THSD4: variants seen among roughly 807,000 people sequenced by gnomAD.
THSD4 encodes the protein thrombospondin type 1 domain containing 4, also known as thrombospondin type-1 domain-containing protein 4.
A neutral mutation model predicts 119.0 loss-of-function variants in THSD4; 69 were observed. That is an observed-to-expected ratio of 0.58 (90% confidence interval 0.48 to 0.71). The LOEUF (loss-of-function observed/expected upper bound fraction) is 0.71. THSD4 is among the 30% of genes least tolerant of loss of function. The probability of loss-of-function intolerance (pLI) is 0.00; values close to 1 mark genes in which losing one functional copy is unlikely to be tolerated. For missense variants in THSD4, 1,393 were observed against 1,391.1 expected (o/e 1.00, Z -0.02); for synonymous variants, 524 against 540.4 (o/e 0.97, Z 0.42).
At chr15:71,292,263 G>A (rs1052967796) in intron 6 of THSD4, among the ~76,000 whole-genome samples, 3 of 152,012 alleles carry the variant, frequency 2.0e-5, no homozygotes, top group African/African-American at 7.2e-5. Flanking sequence ...ATTCCGGTAC[G>A]TTGTGATGAG....
chr15:71,537,869 T>G (rs1001726300), intron 7 of THSD4, among the ~76,000 whole-genome samples: 4 of 151,960 alleles, frequency 2.6e-5, no homozygotes, highest in Admixed American at 2.6e-4. Flanking sequence ...TTGAAGTGAT[T>G]TTCACACCTC....
chr15:71,345,491 TAATA>T (rs986962842), intron 6 of THSD4, among the ~76,000 whole-genome samples: 16 of 152,146 alleles, frequency 1.1e-4, no homozygotes, highest in African/African-American at 3.9e-4. Flanking sequence ...TTGGATTTGG[TAATA>T]AATCACACAT....
chr15:71,379,934 G>A (rs1406650988), intron 6 of THSD4, among the ~76,000 whole-genome samples: 1 of 152,014 alleles, frequency 6.6e-6, no homozygotes, highest in East Asian at 1.9e-4. Flanking sequence ...CTACATGGCT[G>A]AATAATATTT....
chr15:71,647,206 T>C (rs2050986945), intron 7 of THSD4, among the ~76,000 whole-genome samples: 1 of 152,202 alleles, frequency 6.6e-6, no homozygotes, highest in Admixed American at 6.5e-5. Context: ...TGTATACAAG[T>C]GCATATTGTT....
intron 6 of THSD4, chr15:71,341,530 T>C (rs200482776): frequency 7.5e-4 from 1,204 of 1,611,596 alleles, no homozygotes; most frequent in Non-Finnish European, 9.8e-4. Context: ...CGTTGTAATG[T>C]CGGAATGGTA....
intron 6 of THSD4, among the ~76,000 whole-genome samples, chr15:71,406,054 C>G (rs1308102530): frequency 6.6e-6 from 1 of 151,876 alleles, no homozygotes; most frequent in Non-Finnish European, 1.5e-5. Context: ...CCCAAAGTTA[C>G]AGGTTACACG....
intron 3 of THSD4, among the ~76,000 whole-genome samples, chr15:71,200,343 A>T (rs1310749477): frequency 1.3e-5 from 2 of 151,950 alleles, no homozygotes; most frequent in Non-Finnish European, 2.9e-5. Context: ...TTGGCTTCTC[A>T]CTGGTGGTAT....
At chr15:71,520,177 C>G (rs1224087373) in intron 7 of THSD4, among the ~76,000 whole-genome samples, 1 of 152,128 alleles carries the variant, frequency 6.6e-6, no homozygotes, top group African/African-American at 2.4e-5. Context: ...GATGGCATTA[C>G]TAATTTCAGA....
At position 71,198,338 on chromosome 15, in the gene THSD4, T is replaced by TTG. The variant is rs532075176; in HGVS notation, c.100-16694_100-16693dup. Among the ~76,000 whole-genome samples the TTG allele has an allele frequency of 4.4e-3, 667 of 152,326 alleles. 6 individuals are homozygous for TTG. Among genetic ancestry groups the TTG allele is most frequent in the Non-Finnish European group, 5.0e-3 (343 of 68,016 alleles). On this transcript the variant is annotated intron_variant, in intron 3 of 17. Coordinates refer to ENST00000261862, the MANE Select transcript of THSD4 (RefSeq NM_024817.3). ...GCAGGAATGGGAAAAGCCAACAAGG[T>TTG]TGTGGTTCCTGAGGCTGGCACAGAA...
At chr15:71,196,173 A>T (rs1045245556) in intron 3 of THSD4, among the ~76,000 whole-genome samples, 1 of 152,198 alleles carries the variant, frequency 6.6e-6, no homozygotes, top group African/African-American at 2.4e-5. Context: ...AGCCTCTTTT[A>T]TAAGGCCTTT....
At chr15:71,678,644 A>G (rs1467032295) in intron 8 of THSD4, among the ~76,000 whole-genome samples, 2 of 152,190 alleles carry the variant, frequency 1.3e-5, no homozygotes, top group Admixed American at 1.3e-4. Context: ...CCCTCTCATC[A>G]TGAACCGCCT....
At chr15:71,137,202 C>T (rs1309731359) in intron 1 of THSD4, among the ~76,000 whole-genome samples, 1 of 151,876 alleles carries the variant, frequency 6.6e-6, no homozygotes, top group Non-Finnish European at 1.5e-5. Flanking sequence ...GACAGAGCTC[C>T]GCAGACAGCA....
intron 7 of THSD4, among the ~76,000 whole-genome samples, chr15:71,580,732 A>T (rs1275800170): frequency 6.6e-6 from 1 of 152,146 alleles, no homozygotes; most frequent in Admixed American, 6.5e-5. Flanking sequence ...TATAAGTGAG[A>T]TCATGCAGTA....
chr15:71,563,155 G>T (rs2049157392), intron 7 of THSD4, among the ~76,000 whole-genome samples: 1 of 152,030 alleles, frequency 6.6e-6, no homozygotes, highest in Non-Finnish European at 1.5e-5. Context: ...GCACAGCGTT[G>T]GACACATGAT....
At chr15:71,445,609 G>A (rs1305954586) in intron 7 of THSD4, among the ~76,000 whole-genome samples, 8 of 152,212 alleles carry the variant, frequency 5.3e-5, no homozygotes, top group East Asian at 3.9e-4. Context: ...TCTGTTCCCC[G>A]TCATCTTGAT....
rs374209225 is a variant in THSD4, at chr15:71,242,739, G to A, written c.555G>A (p.Thr185=). 23 of 1,613,976 alleles carry A rather than the reference G, an allele frequency of 1.4e-5. No individual in the cohort carries two copies. The highest frequency in any genetic ancestry group is 1.7e-5 in the Non-Finnish European group (20 of 1,180,010). ...CACTGCAGACAGACACTGCACACAC[G>A]CCACAGAGGCTCCGGAGACAGAAGC... ...ILPLQTDTAH[T]PQRLRRQKLS... is the part of the protein sequence containing the mutation. The change falls in exon 5 of 18, where the codon ACG becomes ACA. Residue 185 remains threonine, a synonymous_variant. Coordinates refer to ENST00000261862, the MANE Select transcript of THSD4 (RefSeq NM_024817.3).
chr15:71,227,478 G>GC (rs1567163049), intron 4 of THSD4, among the ~76,000 whole-genome samples: 1 of 152,204 alleles, frequency 6.6e-6, no homozygotes, highest in African/African-American at 2.4e-5. Context: ...GGAATTTCCC[G>GC]CATGTGGGGG....
At chr15:71,112,636 C>A (rs1421672387), upstream of THSD4, among the ~76,000 whole-genome samples, 2 of 152,184 alleles carry the variant, frequency 1.3e-5, no homozygotes, top group African/African-American at 2.4e-5. Context: ...GCCAGGCAGG[C>A]CCCCAGCCTA....
chr15:71,461,759 TC>T (rs2047430776), intron 7 of THSD4, among the ~76,000 whole-genome samples: 1 of 151,818 alleles, frequency 6.6e-6, no homozygotes, highest in South Asian at 2.1e-4. Context: ...AGGATTTTCT[TC>T]CACTATGATG....
Sources: gnomAD v4.1 joint callset for allele counts (sites outside exome capture counted in the v4.1 genomes callset) on GRCh38, gnomAD v4.1.1 for gene constraint, MANE v1.5 for transcripts, NCBI Gene and HGNC (gene_info 2026-07-23, HGNC 2026-07-21) for gene names.